SYDE2: variants seen among roughly 807,000 people sequenced by gnomAD.
SYDE2 encodes synapse defective Rho GTPase homolog 2, also known as rho GTPase-activating protein SYDE2.
SYDE2 carries 76 observed loss-of-function variants against 91.5 expected under a neutral mutation model. The ratio of observed to expected loss-of-function variants is 0.83; its 90% CI spans 0.69 to 1.01. SYDE2 has a LOEUF of 1.01. Ranked by LOEUF, SYDE2 falls within the 50% of genes least tolerant of loss-of-function variation. The pLI, the probability that SYDE2 is intolerant of heterozygous loss-of-function variation, is 0.00. For synonymous variants in SYDE2, 513 were observed against 506.4 expected, an observed-to-expected ratio of 1.01 and a Z score of -0.18; for missense variants, 1,364 against 1,367.7, an observed-to-expected ratio of 1.00 and a Z score of 0.04.
intron 5 of SYDE2, 45 bp downstream of exon 5, chr1:85,168,999 T>C: frequency 6.5e-7 from 1 of 1,543,136 alleles, no homozygotes; most frequent in Non-Finnish European, 9.0e-7. Context: ...AGGTATACAG[T>C]TCATTAACTG....
At chr1:85,171,561 G>A (rs975716124) in intron 4 of SYDE2, among the ~76,000 whole-genome samples, 3 of 152,110 alleles carry the variant, frequency 2.0e-5, no homozygotes, top group Non-Finnish European at 2.9e-5. Context: ...GCTGCACACT[G>A]AGGCTTTAAA....
At chr1:85,200,173 T>C (rs1369173920) in intron 1 of SYDE2, 79 bp downstream of exon 1, 2 of 1,588,252 alleles carry the variant, frequency 1.3e-6, no homozygotes, top group Non-Finnish European at 1.7e-6. Context: ...CATAACTTTT[T>C]CTTGGCTCTT....
intron 1 of SYDE2, among the ~76,000 whole-genome samples, chr1:85,197,032 A>G (rs1310982562): frequency 6.6e-6 from 1 of 152,198 alleles, no homozygotes; most frequent in Non-Finnish European, 1.5e-5. Flanking sequence ...GTGCTTTTGA[A>G]TTTGTTTCTG....
At chr1:85,166,922 T>A (rs1657299102) in intron 5 of SYDE2, among the ~76,000 whole-genome samples, 3 of 151,542 alleles carry the variant, frequency 2.0e-5, no homozygotes, top group Non-Finnish European at 4.4e-5. Flanking sequence ...CTTTTGAAAA[T>A]TAGTCTGGCT....
chr1:85,179,540 A>C (rs1445068001), intron 3 of SYDE2, among the ~76,000 whole-genome samples: 4 of 152,234 alleles, frequency 2.6e-5, no homozygotes, highest in African/African-American at 7.2e-5. Context: ...TACATTCAAA[A>C]GGATCAAGAT....
rs1658178011 is a variant in SYDE2 at position 85,187,204 on chromosome 1, A to G, written c.1441+2853T>C. Reference sequence around the variant, plus strand: ...AACAACCCCACCAAAAAGTGGGCGAAGGACATGAACAGACAATTCTCAAAA... The same window carrying G: ...AACAACCCCACCAAAAAGTGGGCGAGGGACATGAACAGACAATTCTCAAAA... On this transcript the variant is annotated intron_variant, in intron 2 of 6. Coordinates refer to ENST00000341460, the MANE Select transcript of SYDE2 (RefSeq NM_032184.2). 3.3e-5 allele frequency among the ~76,000 whole-genome samples: 5 copies of G among 152,382 alleles called. No individual in the cohort carries two copies. In the South Asian group the frequency reaches 1.0e-3, roughly 32 times the overall value.
chr1:85,157,430 A>G lies in SYDE2; in HGVS notation c.*1320T>C, dbSNP rs1656906542. The G allele has an allele frequency of 6.6e-6, 1 of 152,152 alleles. No individual in the cohort carries two copies. The highest frequency in any genetic ancestry group is 2.4e-5 in the African/African-American group (1 of 41,450). 9.4% of individuals were successfully genotyped at this position (152,152 alleles called of 1,614,324 possible). On this transcript the variant is annotated 3_prime_UTR_variant, in exon 7 of 7. Transcript: ENST00000341460. ...TAATATGCTGGCAAGACTATTTAGA[A>G]ACAAATGGGGGTAATTATAAAGTCA...
In SYDE2 at chr1:85,158,978, A is replaced by C. The variant is rs74980814; in HGVS notation, c.3357T>G (p.Asp1119Glu). Residue 1119 changes from aspartate (D) to glutamate (E), a missense_variant, in exon 7 of 7, where the codon GAT becomes GAG. Transcript: ENST00000341460. ...TGCTATAATTTTCTCCGATTTTTCT[A>C]TCTTCTGAAGGGACATCATCATAAT... Reference protein sequence around the residue: ...DVDYDDVPSEDRKIGENYSKM... With the variant: ...DVDYDDVPSEERKIGENYSKM... 1.3e-6 allele frequency: 1 copy of C among 780,342 alleles called. No individual in the cohort carries two copies. Among genetic ancestry groups the C allele is most frequent in the Admixed American group, 1.7e-5 (1 of 58,928 alleles). 48.3% of individuals were successfully genotyped at this position (780,342 alleles called of 1,614,324 possible). A position where few individuals can be genotyped will look rare whatever the true frequency, so the allele number is the denominator to read the frequency against.
chr1:85,172,701 C>T lies in SYDE2; in HGVS notation c.2672-3476G>A, dbSNP rs922609756. Reference sequence around the variant, plus strand: ...TATTGCCTGGAGAGACTTTGCAGGTCGCAGTAAGGAAATGAAAACCCAGGT... The same window carrying T: ...TATTGCCTGGAGAGACTTTGCAGGTTGCAGTAAGGAAATGAAAACCCAGGT... On this transcript the variant is annotated intron_variant, in intron 4 of 6. Transcript: ENST00000341460. 3.3e-5 allele frequency among the ~76,000 whole-genome samples: 5 copies of T among 152,066 alleles called. No individual in the cohort carries two copies. The South Asian group carries it at 6.2e-4, about 19-fold the overall frequency.
chr1:85,158,732 A>C lies in SYDE2; in HGVS notation c.*18T>G, dbSNP rs905898637. On this transcript the variant is annotated 3_prime_UTR_variant, in exon 7 of 7. Transcript: ENST00000341460. ...CAGATTTGAAACTTTAAGACATTAC[A>C]AAAAAAAACCCTCAATCTCAAAAAC... 7.2e-6 allele frequency: 5 copies of C among 691,990 alleles called. No homozygotes were observed. Among genetic ancestry groups the C allele is most frequent in the Non-Finnish European group, 1.3e-5 (5 of 381,664 alleles). The allele number at this position is 691,990 out of a possible 1,614,324, so 42.9% of individuals were successfully genotyped here.
At position 85,182,646 on chromosome 1, in the gene SYDE2, A is replaced by G. The variant is rs1229152923; in HGVS notation, c.1996T>C (p.Tyr666His). 1 of 1,613,880 alleles carries G rather than the reference A, an allele frequency of 6.2e-7. No individual in the cohort carries two copies. The highest frequency in any genetic ancestry group is 1.7e-5 in the Admixed American group (1 of 60,014). Residue 666 changes from tyrosine (Y) to histidine (H), a missense_variant, in exon 3 of 7, where the codon TAT becomes CAT. Physicochemically the swap from Tyr to His is moderately conservative, Grantham distance 83. Transcript: ENST00000341460. The stretch of plus-strand genomic sequence containing the variant: ...CACTTAGGTTGATCAGAAAAGCTAT[A>G]ATGCCTAAAAGCATCAATGTCTATT... ...NEIDIDAFRH[Y>H]SFSDQPKCSQ...
At chr1:85,189,998 A>G in intron 2 of SYDE2, 59 bp downstream of exon 2, 1 of 1,256,944 alleles carries the variant, frequency 8.0e-7, no homozygotes, top group Non-Finnish European at 1.1e-6. Flanking sequence ...AGTTTTAGCT[A>G]TTATCAAATA....
chr1:85,169,529 A>G (rs561319310), intron 4 of SYDE2, among the ~76,000 whole-genome samples: 1 of 152,332 alleles, frequency 6.6e-6, no homozygotes, highest in Admixed American at 6.5e-5. Flanking sequence ...TCTGCCCCCT[A>G]TAAAAAGCTT....
intron 5 of SYDE2, among the ~76,000 whole-genome samples, chr1:85,167,607 T>C (rs929051090): frequency 2.0e-5 from 3 of 152,132 alleles, no homozygotes; most frequent in Non-Finnish European, 4.4e-5. Context: ...CGTGCCACCA[T>C]GCCCGGCTAA....
rs1657983703 is a variant in SYDE2 at position 85,182,796 on chromosome 1, A to T, written c.1846T>A (p.Cys616Ser). 6.2e-7 allele frequency: 1 copy of T among 1,613,948 alleles called. No individual in the cohort carries two copies. Among genetic ancestry groups the T allele is most frequent in the East Asian group, 2.2e-5 (1 of 44,882 alleles). Residue 616 changes from cysteine (C) to serine (S), a missense_variant, in exon 3 of 7, where the codon TGC becomes AGC. By Grantham distance (112) the Cys-to-Ser change is moderately radical (BLOSUM62 -1). Transcript: ENST00000341460. ...CCATCACTAAGGTAACCACCTTTGC[A>T]GGAATACTTAGAACTCATAGAGTTT... ...KKNSMSSKYS[C>S]KGGYLSDGDS...
Position 85,183,020 on chromosome 1 carries a change from C to A in SYDE2, c.1622G>T (p.Arg541Leu), listed in dbSNP as rs561704514. Residue 541 changes from arginine (R) to leucine (L), a missense_variant, in exon 3 of 7, where the codon CGA (arginine) becomes CTA (leucine). By Grantham distance (102) the Arg-to-Leu change is moderately radical (BLOSUM62 -2). Coordinates refer to ENST00000341460, the MANE Select transcript of SYDE2 (RefSeq NM_032184.2). ...CAATGTTCCCTTAACGCTTAGCTTT[C>A]GGCTAAATTCTGGCAACTTTTTCAT... ...MKMKKLPEFS[R>L]KLSVKGTLNY... is the part of the protein sequence containing the mutation. The A allele has an allele frequency of 4.3e-6, 7 of 1,612,580 alleles. No homozygotes were observed. The African/African-American group carries it at 6.7e-5, about 15-fold the overall frequency.
chr1:85,178,269 C>G lies in SYDE2; in HGVS notation c.2548G>C (p.Val850Leu), dbSNP rs1363098580. 1.3e-6 allele frequency: 2 copies of G among 1,568,458 alleles called. No individual in the cohort carries two copies. Among genetic ancestry groups the G allele is most frequent in the Non-Finnish European group, 8.6e-7 (1 of 1,157,020 alleles). ...GAACCACATAATCGATACAGGCCTACTACCTAGGAATAAAATTATGGCCAC... is the reference window on the plus strand; with the variant it reads ...GAACCACATAATCGATACAGGCCTAGTACCTAGGAATAAAATTATGGCCAC... Reference protein sequence around the residue: ...MEIEKRGCQVVGLYRLCGSAA... With the variant: ...MEIEKRGCQVLGLYRLCGSAA... Residue 850 changes from valine (V) to leucine (L), a missense_variant, in exon 4 of 7, where the codon GTA becomes CTA. Physicochemically the swap from Val to Leu is conservative, Grantham distance 32. Coordinates refer to ENST00000341460, the MANE Select transcript of SYDE2 (RefSeq NM_032184.2).
chr1:85,171,095 G>C (rs1657490887), intron 4 of SYDE2, among the ~76,000 whole-genome samples: 1 of 152,122 alleles, frequency 6.6e-6, no homozygotes, highest in Non-Finnish European at 1.5e-5. Flanking sequence ...CATGTTTTAG[G>C]GGGTAAAGAG....
rs370764027 is a variant in SYDE2 at position 85,200,397 on chromosome 1, C to A, written c.600G>T (p.Leu200=). ...CACGACCCTTCATTCCCAGGGACAG[C>A]AGACGCCCTTTGTACATCCACTTCT... ...KLQKWMYKGR[L]LSLGMKGRAR... The change falls in exon 1 of 7, where the codon CTG becomes CTT. Residue 200 remains leucine (L), a synonymous_variant. Transcript: ENST00000341460. 6.2e-7 allele frequency: 1 copy of A among 1,613,938 alleles called. No individual in the cohort carries two copies. The highest frequency in any genetic ancestry group is 8.5e-7 in the Non-Finnish European group (1 of 1,179,916).
Sources: allele counts gnomAD v4.1 joint callset (sites outside exome capture counted in the v4.1 genomes callset), GRCh38; gene constraint gnomAD v4.1.1; transcripts MANE v1.5; gene names NCBI Gene and HGNC (gene_info 2026-07-23, HGNC 2026-07-21).